NELL1: variants seen among roughly 807,000 people sequenced by gnomAD.
NELL1 encodes protein kinase C-binding protein NELL1.
A neutral mutation model predicts 107.4 loss-of-function variants in NELL1; 76 were observed. That is an observed-to-expected ratio of 0.71 (90% confidence interval 0.59 to 0.86). The LOEUF is 0.86. Among genes scored for constraint, NELL1 ranks in the 40% least tolerant of loss-of-function variants. The pLI is 0.00. For synonymous variants in NELL1, 353 were observed against 341.2 expected, an observed-to-expected ratio of 1.03 and a Z score of -0.38; for missense variants, 1,024 against 1,005.5, an observed-to-expected ratio of 1.02 and a Z score of -0.25.
chr11:20,708,885 C>T (rs1056448879), intron 2 of NELL1, among the ~76,000 whole-genome samples: 4 of 152,068 alleles, frequency 2.6e-5, no homozygotes, highest in African/African-American at 9.7e-5. Flanking sequence ...GTGGTGGGGG[C>T]AGGCGATGGT....
intron 14 of NELL1, among the ~76,000 whole-genome samples, chr11:21,237,139 G>A (rs1018835033): frequency 1.4e-4 from 22 of 152,042 alleles, no homozygotes; most frequent in African/African-American, 4.6e-4. Context: ...TTCCCAGGAG[G>A]GCAAGGCACA....
intron 15 of NELL1, among the ~76,000 whole-genome samples, chr11:21,519,541 T>TTG (rs1326048871): frequency 3.2e-5 from 2 of 61,568 alleles, no homozygotes; most frequent in African/African-American, 6.9e-5. Flanking sequence ...TTGTTTTGTT[T>TTG]TTTGTTTTTT....
intron 14 of NELL1, among the ~76,000 whole-genome samples, chr11:21,272,178 C>A (rs1256038051): frequency 6.6e-6 from 1 of 152,182 alleles, no homozygotes; most frequent in African/African-American, 2.4e-5. Context: ...ACAGACAGCA[C>A]CTGGAAAATC....
intron 15 of NELL1, among the ~76,000 whole-genome samples, chr11:21,480,195 A>G (rs117034379): frequency 0.013 from 1,905 of 152,280 alleles, 14 homozygotes; most frequent in Non-Finnish European, 0.018. Context: ...GTTTAAGTAT[A>G]ATGAGAAGTT....
chr11:21,223,079 C>T (rs1358717609), intron 13 of NELL1, among the ~76,000 whole-genome samples: 1 of 152,060 alleles, frequency 6.6e-6, no homozygotes, highest in Non-Finnish European at 1.5e-5. Flanking sequence ...CAGTTCAAAT[C>T]CAATCTTTTT....
chr11:20,848,250 T>C (rs1210148505), intron 4 of NELL1, among the ~76,000 whole-genome samples: 1 of 152,222 alleles, frequency 6.6e-6, no homozygotes, highest in Non-Finnish European at 1.5e-5. Context: ...GGCTGTTCTC[T>C]GAGCCTTTTG....
At chr11:20,877,144 C>T (rs1170077389) in intron 4 of NELL1, among the ~76,000 whole-genome samples, 1 of 152,118 alleles carries the variant, frequency 6.6e-6, no homozygotes, top group African/African-American at 2.4e-5. Context: ...GAAAATTTCT[C>T]CAAGGAGCAC....
chr11:21,539,076 T>C (rs1006685541), intron 16 of NELL1, among the ~76,000 whole-genome samples: 3 of 152,236 alleles, frequency 2.0e-5, no homozygotes, highest in African/African-American at 7.2e-5. Context: ...TTCTCAAAAC[T>C]GTGTCATGGT....
intron 5 of NELL1, among the ~76,000 whole-genome samples, chr11:20,893,855 TAAAAAA>T (rs10658756): frequency 7.9e-6 from 1 of 127,190 alleles, no homozygotes; most frequent in Non-Finnish European, 1.6e-5. Flanking sequence ...GTGAGGTAGT[TAAAAAA>T]AAAAAAAAAA....
At chr11:21,474,352 T>G (rs1211995857) in intron 15 of NELL1, among the ~76,000 whole-genome samples, 2 of 152,016 alleles carry the variant, frequency 1.3e-5, no homozygotes, top group African/African-American at 4.8e-5. Context: ...AATGTAGATC[T>G]CCCACCACTG....
At chr11:21,494,159 A>G (rs1220191786) in intron 15 of NELL1, among the ~76,000 whole-genome samples, 6 of 152,026 alleles carry the variant, frequency 3.9e-5, no homozygotes, top group Admixed American at 1.3e-4. Flanking sequence ...TTAAGTAGTG[A>G]TCTAATGTTT....
chr11:20,860,421 C>T (rs180890002), intron 4 of NELL1, among the ~76,000 whole-genome samples: 1 of 152,120 alleles, frequency 6.6e-6, no homozygotes, highest in East Asian at 1.9e-4. Context: ...GGTCTGGATT[C>T]CTAGCTTGTG....
intron 15 of NELL1, among the ~76,000 whole-genome samples, chr11:21,498,008 C>A (rs1157530035): frequency 6.6e-6 from 1 of 151,724 alleles, no homozygotes; most frequent in Non-Finnish European, 1.5e-5. Flanking sequence ...CATTTTGGCT[C>A]TTTATTTTCA....
chr11:20,920,783 A>C (rs1850360410), intron 7 of NELL1, among the ~76,000 whole-genome samples: 1 of 151,954 alleles, frequency 6.6e-6, no homozygotes, highest in Non-Finnish European at 1.5e-5. Flanking sequence ...CTTTTTAGCC[A>C]CACATCATCT....
intron 12 of NELL1, among the ~76,000 whole-genome samples, chr11:20,991,597 A>C (rs1292932047): frequency 1.3e-5 from 2 of 152,178 alleles, no homozygotes; most frequent in Non-Finnish European, 2.9e-5. Context: ...ATAAAACAAC[A>C]ATGGAGAAGG....
At chr11:20,934,570 C>T (rs1481087594) in intron 9 of NELL1, among the ~76,000 whole-genome samples, 1 of 152,166 alleles carries the variant, frequency 6.6e-6, no homozygotes, top group African/African-American at 2.4e-5. Flanking sequence ...GGCAGGTGAT[C>T]AAATGTGTTA....
At chr11:21,097,126 A>G (rs917441127) in intron 12 of NELL1, among the ~76,000 whole-genome samples, 4 of 151,392 alleles carry the variant, frequency 2.6e-5, no homozygotes, top group Non-Finnish European at 5.9e-5. Flanking sequence ...GCACACTCTC[A>G]CTCCACTCAT....
chr11:21,063,323 T>C (rs1340872285), intron 12 of NELL1, among the ~76,000 whole-genome samples: 1 of 152,162 alleles, frequency 6.6e-6, no homozygotes, highest in Non-Finnish European at 1.5e-5. Context: ...TCTGCTGAGC[T>C]TCGGTGTCCA....
chr11:20,676,250 GA>G (rs1854053421), intron 1 of NELL1, among the ~76,000 whole-genome samples: 1 of 146,274 alleles, frequency 6.8e-6, no homozygotes, highest in African/African-American at 2.6e-5. Context: ...TCTAAAGTAG[GA>G]CCCCCCCATC....
Sources: gnomAD v4.1 joint callset for allele counts (sites outside exome capture counted in the v4.1 genomes callset) on GRCh38, gnomAD v4.1.1 for gene constraint, MANE v1.5 for transcripts, NCBI Gene and HGNC (gene_info 2026-07-23, HGNC 2026-07-21) for gene names.